ANO4: variants seen among roughly 807,000 people sequenced by gnomAD.
ANO4 encodes the protein anoctamin 4.
ANO4 carries 69 observed loss-of-function variants against 141.9 expected under a neutral mutation model. That is an observed-to-expected ratio of 0.49 (90% CI 0.40 to 0.59). The LOEUF (loss-of-function observed/expected upper bound fraction) is 0.59. Ranked by LOEUF, ANO4 falls within the 20% of genes least tolerant of loss-of-function variation. The pLI, the probability that ANO4 is intolerant of heterozygous loss-of-function variation, is 0.00. For missense variants in ANO4, 894 were observed against 1,162.2 expected, an observed-to-expected ratio of 0.77 and a Z score of 3.36; for synonymous variants, 350 against 394.3, an observed-to-expected ratio of 0.89 and a Z score of 1.33.
chr12:100,877,381 C>T (rs2039365290), intron 1 of ANO4, among the ~76,000 whole-genome samples: 1 of 151,032 alleles, frequency 6.6e-6, no homozygotes, highest in African/African-American at 2.4e-5. Flanking sequence ...CAAATCATCA[C>T]ATTTTATAGC....
intron 8 of ANO4, among the ~76,000 whole-genome samples, chr12:100,998,618 G>A (rs1195030526): frequency 2.6e-5 from 4 of 152,146 alleles, no homozygotes; most frequent in Non-Finnish European, 4.4e-5. Flanking sequence ...ATCTCTATAC[G>A]TCAATGCATA....
At chr12:100,719,941 C>A (rs374097913) in intron 1 of ANO4, among the ~76,000 whole-genome samples, 1 of 152,120 alleles carries the variant, frequency 6.6e-6, no homozygotes, top group East Asian at 1.9e-4. Context: ...TAATCCCCAC[C>A]GGTAAAAATA....
At chr12:101,035,723 G>A (rs2047166541) in intron 9 of ANO4, among the ~76,000 whole-genome samples, 1 of 152,072 alleles carries the variant, frequency 6.6e-6, no homozygotes, top group Admixed American at 6.6e-5. Flanking sequence ...GGAGCTGAAG[G>A]CCATTATCCT....
chr12:101,119,537 C>CA (rs1183565222), intron 25 of ANO4, among the ~76,000 whole-genome samples: 2 of 152,080 alleles, frequency 1.3e-5, no homozygotes, highest in East Asian at 3.9e-4. Flanking sequence ...AATATAGTCA[C>CA]ACTAGAGTCT....
intron 18 of ANO4, among the ~76,000 whole-genome samples, chr12:101,095,915 T>C (rs1247672276): frequency 6.6e-6 from 1 of 152,078 alleles, no homozygotes; most frequent in Admixed American, 6.6e-5. Context: ...GGAGATGAGA[T>C]TGGCCCCTGA....
intron 9 of ANO4, among the ~76,000 whole-genome samples, chr12:101,030,594 C>G (rs1400682676): frequency 6.6e-6 from 1 of 151,920 alleles, no homozygotes; most frequent in Admixed American, 6.6e-5. Context: ...CAAACTAATC[C>G]AAAAGCTAGC....
In ANO4 at chr12:100,903,126, T is replaced by C. The variant is rs545042419; in HGVS notation, c.55+1286T>C. Among the ~76,000 whole-genome samples, 9 of 152,334 alleles carry C rather than the reference T, an allele frequency of 5.9e-5. No homozygotes were observed. The South Asian group carries it at 1.9e-3, about 32-fold the overall frequency. ...GTCGAGAGTAACCAACACAATCTGGTTTCTAGCTCCTCCATTCCATTCTGG... is the reference window on the plus strand; with the variant it reads ...GTCGAGAGTAACCAACACAATCTGGCTTCTAGCTCCTCCATTCCATTCTGG... On this transcript the variant is annotated intron_variant, in intron 2 of 27. Transcript: ENST00000392977.
chr12:101,071,413 G>A (rs1486295929), intron 14 of ANO4, among the ~76,000 whole-genome samples: 1 of 150,592 alleles, frequency 6.6e-6, no homozygotes, highest in Non-Finnish European at 1.5e-5. Context: ...TATGTTAAGC[G>A]ACATAAGCCA....
At chr12:101,044,466 T>C (rs1041012026) in intron 13 of ANO4, among the ~76,000 whole-genome samples, 4 of 152,226 alleles carry the variant, frequency 2.6e-5, no homozygotes, top group Non-Finnish European at 5.9e-5. Flanking sequence ...CACAAAACAA[T>C]AGCTGAAGTT....
intron 25 of ANO4, 116 bp from the exon 26 acceptor site, chr12:101,120,404 A>G: frequency 1.2e-6 from 1 of 825,864 alleles, no homozygotes; most frequent in South Asian, 1.7e-5. Flanking sequence ...GATATCTAGT[A>G]TAGAGAAACT....
At chr12:100,936,725 A>G (rs1460918658) in intron 3 of ANO4, among the ~76,000 whole-genome samples, 2 of 152,128 alleles carry the variant, frequency 1.3e-5, no homozygotes, top group African/African-American at 4.8e-5. Flanking sequence ...TCTCATATTG[A>G]TAAGACCAAA....
intron 3 of ANO4, among the ~76,000 whole-genome samples, chr12:100,764,222 C>A (rs1002237385): frequency 6.6e-6 from 1 of 152,104 alleles, no homozygotes; most frequent in African/African-American, 2.4e-5. Flanking sequence ...ATATACAGTG[C>A]AATATGGCAT....
chr12:100,786,290 G>A (rs994985171), intron 3 of ANO4, among the ~76,000 whole-genome samples: 18 of 152,186 alleles, frequency 1.2e-4, no homozygotes, highest in African/African-American at 4.3e-4. Flanking sequence ...ATGAGCAGAG[G>A]CATTTAATTT....
At chr12:101,008,065 T>A (rs2045942715) in intron 8 of ANO4, among the ~76,000 whole-genome samples, 1 of 152,218 alleles carries the variant, frequency 6.6e-6, no homozygotes, top group Non-Finnish European at 1.5e-5. Context: ...ATAAGAATCA[T>A]TGTGAAGATT....
chr12:100,900,386 G>T (rs922988795), intron 1 of ANO4, among the ~76,000 whole-genome samples: 8 of 152,032 alleles, frequency 5.3e-5, no homozygotes, highest in African/African-American at 1.7e-4. Flanking sequence ...CATGTGCCAT[G>T]TTGGTGTGCT....
chr12:101,099,742 T>A (rs769616770), intron 22 of ANO4, 22 bp downstream of exon 22: 2 of 1,511,438 alleles, frequency 1.3e-6, no homozygotes, highest in Non-Finnish European at 8.8e-7. Flanking sequence ...TTCTACTTTA[T>A]CTTATTAATT....
At chr12:100,963,392 G>A (rs927476798) in intron 5 of ANO4, among the ~76,000 whole-genome samples, 1 of 152,090 alleles carries the variant, frequency 6.6e-6, no homozygotes, top group African/African-American at 2.4e-5. Flanking sequence ...TCTTGTTGCT[G>A]TTACTAATGT....
chr12:100,980,448 A>G (rs1010456881), intron 7 of ANO4, among the ~76,000 whole-genome samples: 2 of 152,210 alleles, frequency 1.3e-5, no homozygotes, highest in Non-Finnish European at 2.9e-5. Context: ...TCTAAATTGA[A>G]GGCCACATAT....
At chr12:100,754,884 C>A (rs1054894305) in intron 3 of ANO4, among the ~76,000 whole-genome samples, 2 of 152,030 alleles carry the variant, frequency 1.3e-5, no homozygotes, top group Admixed American at 1.3e-4. Flanking sequence ...AGACAGAAAG[C>A]AGATTTGTGA....
Sources: allele counts gnomAD v4.1 joint callset (sites outside exome capture counted in the v4.1 genomes callset), GRCh38; gene constraint gnomAD v4.1.1; transcripts MANE v1.5; gene names NCBI Gene and HGNC (gene_info 2026-07-23, HGNC 2026-07-21).